Variants in CCDC144A observed in about 807,000 individuals in gnomAD.
CCDC144A encodes the protein coiled-coil domain-containing protein 144A.
In CCDC144A, 41 loss-of-function variants were observed where a neutral mutation model predicts 143.8. That is an observed-to-expected ratio of 0.29 (90% confidence interval 0.22 to 0.37). The LOEUF is 0.37. Among genes scored for constraint, CCDC144A ranks in the 10% least tolerant of loss-of-function variants. The pLI is 1.00. For missense variants in CCDC144A, 637 were observed against 1,488.8 expected, an observed-to-expected ratio of 0.43 and a Z score of 9.41; for synonymous variants, 242 against 517.9, an observed-to-expected ratio of 0.47 and a Z score of 7.23.
At chr17:16,684,515 C>T in the CCDC144A span, among the ~76,000 whole-genome samples, 39 of 151,970 alleles carry the variant, frequency 2.6e-4, no homozygotes, top group African/African-American at 8.9e-4. Flanking sequence ...ATTAGCCAGG[C>T]GTGGTGGTGT....
intron 12 of CCDC144A, chr17:16,746,286 TGCATCTTTCTTCTTTTC>T: frequency 8.3e-7 from 1 of 1,200,430 alleles, no homozygotes; most frequent in East Asian, 2.7e-5. Context: ...TTTTTTTTTT[TGCATCTTTCTTCTTTTC>T]TTCTTTTTTC....
chr17:16,680,202 G>A, the CCDC144A span, among the ~76,000 whole-genome samples: 1 of 151,962 alleles, frequency 6.6e-6, no homozygotes, highest in Non-Finnish European at 1.5e-5. Context: ...GCCGAGGTGG[G>A]AGGATCACTT....
At chr17:16,757,087 G>C (rs1216583521) in intron 12 of CCDC144A, among the ~76,000 whole-genome samples, 1 of 152,284 alleles carries the variant, frequency 6.6e-6, no homozygotes, top group African/African-American at 2.4e-5. Context: ...GGTTACCTGA[G>C]TGGTCTGGCC....
the CCDC144A span, chr17:16,683,612 G>A: frequency 6.2e-7 from 1 of 1,611,288 alleles, no homozygotes; most frequent in Non-Finnish European, 8.5e-7. Flanking sequence ...GATTTAAGAA[G>A]TTTGCCACAG....
upstream of CCDC144A, chr17:16,690,218 C>T (rs1487253381): frequency 8.8e-6 from 4 of 456,656 alleles, no homozygotes; most frequent in Non-Finnish European, 7.8e-6. Flanking sequence ...TGGTCTGTAA[C>T]GGATTGGCTT....
chr17:16,743,637 GT>G (rs1196213350), intron 12 of CCDC144A, among the ~76,000 whole-genome samples: 2 of 151,964 alleles, frequency 1.3e-5, no homozygotes, highest in Non-Finnish European at 2.9e-5. Flanking sequence ...TGTTATTGGT[GT>G]TTTTTTGTTG....
chr17:16,673,474 C>T, the CCDC144A span, among the ~76,000 whole-genome samples: 6 of 151,452 alleles, frequency 4.0e-5, no homozygotes, highest in Non-Finnish European at 5.9e-5. Context: ...GCAACCTCTG[C>T]CCCCTGGGTT....
chr17:16,688,485 T>TG (rs1491197520), upstream of CCDC144A, among the ~76,000 whole-genome samples: 2 of 1,516 alleles, frequency 1.3e-3, no homozygotes, highest in African/African-American at 3.6e-3. Context: ...TCTTTTTCTG[T>TG]TTTTTTTTTT....
At chr17:16,709,965 C>G (rs1047325790) in intron 5 of CCDC144A, 2 of 272,900 alleles carry the variant, frequency 7.3e-6, no homozygotes, top group East Asian at 2.1e-4. Context: ...GGGCTTTTTC[C>G]TTTTACCGAC....
upstream of CCDC144A, chr17:16,689,599 C>T (rs1910922665): frequency 6.6e-6 from 1 of 152,482 alleles, no homozygotes; most frequent in Admixed American, 6.5e-5. Flanking sequence ...GCCCGGGTCG[C>T]CAGCTGCACG....
chr17:16,746,717 A>G (rs1027870920), intron 12 of CCDC144A: 1 of 1,611,770 alleles, frequency 6.2e-7, no homozygotes, highest in African/African-American at 1.3e-5. Flanking sequence ...CTGCTCCTCC[A>G]GCTGCTCCTT....
At chr17:16,765,879 G>C (rs990446215) in intron 15 of CCDC144A, 1 of 152,244 alleles carries the variant, frequency 6.6e-6, no homozygotes, top group Non-Finnish European at 1.5e-5. Context: ...TCTGTAAATG[G>C]TTAAGCAAGA....
Position 16,709,659 on chromosome 17 carries a change from C to A in CCDC144A, c.1578+24C>A, listed in dbSNP as rs756355442. The A allele has an allele frequency of 4.4e-6, 7 of 1,603,060 alleles. No individual in the cohort carries two copies. The Admixed American group carries it at 8.6e-5, about 20-fold the overall frequency. On this transcript the variant is annotated intron_variant, in intron 5 of 16. Coordinates refer to ENST00000399273, the MANE Select transcript of CCDC144A (RefSeq NM_001382000.1). ...ATGTAGGGTTTTACTTGCTGCCACT[C>A]TTTGTTTTTTCTCTCAATTATCTGG...
intron 2 of CCDC144A, among the ~76,000 whole-genome samples, chr17:16,697,175 T>C (rs1199972102): frequency 6.6e-6 from 1 of 151,334 alleles, no homozygotes. Context: ...CAATGTTTAC[T>C]GTAGGGACTC....
intron 15 of CCDC144A, among the ~76,000 whole-genome samples, chr17:16,771,624 G>T (rs1381707568): frequency 5.9e-5 from 9 of 152,254 alleles, no homozygotes; most frequent in African/African-American, 2.2e-4. Context: ...TTGATAAAGG[G>T]CAGAGTTTTG....
chr17:16,720,782 G>C lies in CCDC144A; in HGVS notation c.1891+124G>C, dbSNP rs530289340. The C allele has an allele frequency of 3.4e-5, 50 of 1,483,760 alleles. No individual in the cohort carries two copies. In the African/African-American group the frequency reaches 6.1e-4, roughly 18 times the overall value. The allele number at this position is 1,483,760 out of a possible 1,614,324, so 91.9% of individuals were successfully genotyped here. On this transcript the variant is annotated intron_variant, in intron 8 of 16. Coordinates refer to ENST00000399273, the MANE Select transcript of CCDC144A (RefSeq NM_001382000.1). Reference sequence around the variant, plus strand: ...GAAATACGCTCAGTGTTAAAATAGAGAACTAACTTATACTCTACGCCAAAG... The same window carrying C: ...GAAATACGCTCAGTGTTAAAATAGACAACTAACTTATACTCTACGCCAAAG...
rs1176741679 is a variant in CCDC144A at position 16,708,799 on chromosome 17, A to T, written c.742A>T (p.Thr248Ser). 2.5e-6 allele frequency: 4 copies of T among 1,611,766 alleles called. No individual in the cohort carries two copies. Among genetic ancestry groups the T allele is most frequent in the Non-Finnish European group, 8.5e-7 (1 of 1,179,718 alleles). The change falls in exon 5 of 17, where the codon ACG becomes TCG. Residue 248 changes from threonine (T) to serine (S), a missense_variant. Coordinates refer to ENST00000399273, the MANE Select transcript of CCDC144A (RefSeq NM_001382000.1). ...TCTTCCACTTTTGCATCTGCAGAAA[A>T]CGTCTCAAGAACCAGAAATGGCTAA... ...KGCENKQPQKTSQEPEMAKDC... is the reference protein window; with the variant it reads ...KGCENKQPQKSSQEPEMAKDC...
Position 16,777,698 on chromosome 17 carries a change from G to A in CCDC144A, c.*4065G>A, listed in dbSNP as rs1478767573. ...GTGACACAACCTATCAAAAACTCTG[G>A]GATACAGCAAAAGTGGAGCTAAGAA... On this transcript the variant is annotated 3_prime_UTR_variant, in exon 17 of 17. Transcript: ENST00000399273. 2.2e-5 allele frequency: 3 copies of A among 136,604 alleles called. No individual in the cohort carries two copies. Among genetic ancestry groups the A allele is most frequent in the Admixed American group, 7.4e-5 (1 of 13,574 alleles). The allele number at this position is 136,604 out of a possible 1,614,324, so 8.5% of individuals were successfully genotyped here.
chr17:16,708,603 G>C (rs1912189605), intron 4 of CCDC144A, 193 bp from the exon 5 acceptor site: 1 of 676,080 alleles, frequency 1.5e-6, no homozygotes, highest in Non-Finnish European at 2.4e-6. Context: ...TTAGTTACAA[G>C]CCAGTGATTT....
Sources: allele counts gnomAD v4.1 joint callset (sites outside exome capture counted in the v4.1 genomes callset), GRCh38; gene constraint gnomAD v4.1.1; transcripts MANE v1.5; gene names NCBI Gene and HGNC (gene_info 2026-07-23, HGNC 2026-07-21).